The following PSG8 variants were observed in gnomAD, a reference collection of about 807,000 sequenced individuals.
PSG8 encodes pregnancy-specific beta-1-glycoprotein 8.
Under a neutral mutation model 42.5 loss-of-function variants are expected in PSG8, and 57 were observed. That is an observed-to-expected ratio of 1.34 (90% CI 1.08 to 1.67). PSG8 has a LOEUF of 1.67. PSG8 is among the 40% of genes most tolerant of loss of function. The pLI is 0.00. For missense variants in PSG8, 783 were observed against 518.6 expected (o/e 1.51, Z -4.95); for synonymous variants, 280 against 196.8 (o/e 1.42, Z -3.54).
chr19:42,755,220 C>T lies in PSG8; in HGVS notation c.756G>A (p.Arg252=), dbSNP rs1266662840. 3.7e-6 allele frequency: 6 copies of T among 1,612,010 alleles called. No homozygotes were observed. The highest frequency in any genetic ancestry group is 5.1e-6 in the Non-Finnish European group (6 of 1,179,780). The change falls in exon 4 of 5, where the codon AGG becomes AGA. Residue 252 remains arginine (R), a synonymous_variant. Coordinates refer to ENST00000306511, the MANE Select transcript of PSG8 (RefSeq NM_182707.3). The part of the protein sequence containing the change: ...PYITINNLKP[R]ENKDVLNFTC... ...TGAAGTTTAAGACATCCTTATTCTC[C>T]CTGGGTTTTAAGTTGTTGATGGTGA...
At chr19:42,764,823 C>A (rs539972051) in intron 1 of PSG8, among the ~76,000 whole-genome samples, 1 of 152,122 alleles carries the variant, frequency 6.6e-6, no homozygotes, top group Non-Finnish European at 1.5e-5. Context: ...GTGCCCAGAA[C>A]AGGCTGCAGA....
At chr19:42,765,388 A>C (rs549124098) in intron 1 of PSG8, 130 bp downstream of exon 1, 215 of 1,423,426 alleles carry the variant, frequency 1.5e-4, no homozygotes, top group Non-Finnish European at 1.4e-4. Flanking sequence ...TCCTGATCTC[A>C]TGATCCACCT....
Position 42,764,625 on chromosome 19 carries a change from T to C in PSG8, c.65-344A>G, listed in dbSNP as rs554620095. On this transcript the variant is annotated intron_variant, in intron 1 of 4. Transcript: ENST00000306511. ...CTGCTCACATCAGGGCATCCTTAGATTTCTTTCCTGACACCTCCTTCAGAT... is the reference window on the plus strand; with the variant it reads ...CTGCTCACATCAGGGCATCCTTAGACTTCTTTCCTGACACCTCCTTCAGAT... Among the ~76,000 whole-genome samples the C allele has an allele frequency of 3.9e-4, 59 of 152,062 alleles. 1 individual carries two copies. Among genetic ancestry groups the C allele is most frequent in the Middle Eastern group, 3.2e-3 (1 of 314 alleles).
At chr19:42,758,801 A>T (rs1383164003) in intron 2 of PSG8, 1 of 165,618 alleles carries the variant, frequency 6.0e-6, no homozygotes, top group Non-Finnish European at 1.3e-5. Context: ...GAAATAACAC[A>T]GGGGAGAACA....
chr19:42,755,057 G>T lies in PSG8; in HGVS notation c.919C>A (p.Pro307Thr), dbSNP rs1244091627. ...TGGTCCCTTATTTCACATTGATAGG[G>T]TCCTGTTTCATTTCTCGTGACACTG... is the stretch of plus-strand genomic sequence containing the variant. Reference protein sequence around the residue: ...LPSVTRNETGPYQCEIRDQYG... With the variant: ...LPSVTRNETGTYQCEIRDQYG... The change falls in exon 4 of 5, where the codon CCC becomes ACC. Residue 307 changes from proline (P) to threonine (T), a missense_variant. Pro to Thr is a conservative substitution (Grantham distance 38, BLOSUM62 -1). Transcript: ENST00000306511. 3.1e-6 allele frequency: 5 copies of T among 1,612,882 alleles called. No homozygotes were observed. The highest frequency in any genetic ancestry group is 4.2e-6 in the Non-Finnish European group (5 of 1,179,794).
chr19:42,755,982 G>A (rs1969915460), intron 3 of PSG8: 1 of 153,684 alleles, frequency 6.5e-6, no homozygotes, highest in Non-Finnish European at 1.4e-5. Context: ...CTTTGGAGCA[G>A]AACTATGTTG....
In PSG8 at chr19:42,764,100, A is replaced by C. The variant is rs7255419; in HGVS notation, c.246T>G (p.Tyr82Ter). The change falls in exon 2 of 5, where the codon TAT becomes TAG. Residue 82 changes from tyrosine (Y) to a stop codon, truncating the protein, a stop_gained. Transcript: ENST00000306511. LOFTEE classifies it high-confidence loss of function. ...ATATAATTATTTGACCGTCTACTACATATGATGTAATGTAATGGTAGAGGT... is the reference window on the plus strand; with the variant it reads ...ATATAATTATTTGACCGTCTACTACCTATGATGTAATGTAATGGTAGAGGT... Reference protein sequence around the residue: ...IRDLYHYITSYVVDGQIIIYG... With the variant: ...IRDLYHYITS 5.6e-6 allele frequency: 9 copies of C among 1,613,752 alleles called. No homozygotes were observed. In the East Asian group the frequency reaches 1.8e-4, roughly 32 times the overall value.
downstream of PSG8, chr19:42,753,195 G>A (rs968105500): frequency 3.7e-5 from 28 of 759,038 alleles, no homozygotes; most frequent in South Asian, 1.1e-4. Context: ...TTATGGTGTC[G>A]AACATTTTAG....
At position 42,758,096 on chromosome 19, in the gene PSG8, C is replaced by G; in HGVS notation, c.615G>C (p.Leu205Phe). 1.2e-6 allele frequency: 2 copies of G among 1,613,976 alleles called. No individual in the cohort carries two copies. The highest frequency in any genetic ancestry group is 1.7e-6 in the Non-Finnish European group (2 of 1,179,956). Residue 205 changes from leucine (L) to phenylalanine (F), a missense_variant, in exon 3 of 5, where the codon TTG (leucine) becomes TTC (phenylalanine). Physicochemically the swap from Leu to Phe is conservative, Grantham distance 22. Coordinates refer to ENST00000306511, the MANE Select transcript of PSG8 (RefSeq NM_182707.3). ...GTCCTGCAGTGTACTTTGTGACACC[C>G]AATAGAAAGAGGGTCCTGTTGGTTT... The part of the protein sequence containing the change: ...LSETNRTLFL[L>F]GVTKYTAGPY...
At chr19:42,765,385 C>A in intron 1 of PSG8, 133 bp downstream of exon 1, 1 of 1,400,976 alleles carries the variant, frequency 7.1e-7, no homozygotes, top group South Asian at 1.2e-5. Flanking sequence ...AACTCCTGAT[C>A]TCATGATCCA....
chr19:42,764,870 C>T lies in PSG8; in HGVS notation c.65-589G>A, dbSNP rs371845563. On this transcript the variant is annotated intron_variant, in intron 1 of 4. Transcript: ENST00000306511. ...GTGAGAGTTCTCAGGGCCCTCCACG[C>T]CCTTGGTGTTTTTTTTTCCCCCCAA... 5.3e-5 allele frequency among the ~76,000 whole-genome samples: 8 copies of T among 152,140 alleles called. No individual in the cohort carries two copies. The East Asian group carries it at 1.4e-3, about 26-fold the overall frequency.
chr19:42,761,810 C>T (rs1267853262), intron 2 of PSG8, among the ~76,000 whole-genome samples: 4 of 136,902 alleles, frequency 2.9e-5, no homozygotes, highest in Non-Finnish European at 4.7e-5. Flanking sequence ...TAGAAACCAA[C>T]ATTTCAATAA....
downstream of PSG8, chr19:42,753,457 A>T (rs867074278): frequency 1.6e-5 from 12 of 762,636 alleles, no homozygotes; most frequent in African/African-American, 1.4e-4. Flanking sequence ...TTTATTTTCC[A>T]CATAATTTTT....
intron 4 of PSG8, 169 bp downstream of exon 4, chr19:42,754,819 T>A: frequency 6.8e-7 from 1 of 1,474,206 alleles, no homozygotes; most frequent in Non-Finnish European, 9.1e-7. Context: ...ATACTCTTGG[T>A]TAAGGCTGTG....
rs759137475 is a variant in PSG8 at position 42,755,156 on chromosome 19, AC to A, written c.819del (p.Trp273CysfsTer3). 6.2e-7 allele frequency: 1 copy of A among 1,611,764 alleles called. No individual in the cohort carries two copies. Among genetic ancestry groups the A allele is most frequent in the African/African-American group, 1.3e-5 (1 of 74,846 alleles). ...EPKSENYTYI[W>X]WLNGQSLPVS... is the part of the protein sequence containing the mutation. Reference sequence around the variant, plus strand: ...ACCGGGAGGCTCTGACCATTTAGCCACCAAATGTAGGTGTAGTTCTCACTCT... The same window carrying A: ...ACCGGGAGGCTCTGACCATTTAGCCACAAATGTAGGTGTAGTTCTCACTCT... On this transcript the variant is annotated frameshift_variant, in exon 4 of 5. Transcript: ENST00000306511. LOFTEE classifies it high-confidence loss of function.
intron 2 of PSG8, among the ~76,000 whole-genome samples, chr19:42,762,320 A>G (rs1199971353): frequency 6.6e-6 from 1 of 151,996 alleles, no homozygotes; most frequent in Admixed American, 6.6e-5. Context: ...CCCCAGCTCC[A>G]CAGTCCAGGA....
downstream of PSG8, chr19:42,753,500 T>C: frequency 1.5e-6 from 1 of 671,356 alleles, no homozygotes; most frequent in Non-Finnish European, 2.7e-6. Flanking sequence ...TTACCAATGA[T>C]AATTTCAGTA....
Position 42,755,049 on chromosome 19 carries a change from T to C in PSG8, c.927A>G (p.Gln309=), listed in dbSNP as rs1350030021. ...CACCATATTGGTCCCTTATTTCACA[T>C]TGATAGGGTCCTGTTTCATTTCTCG... ...SVTRNETGPY[Q]CEIRDQYGGI... The change falls in exon 4 of 5, where the codon CAA becomes CAG. Residue 309 remains glutamine, a synonymous_variant. Coordinates refer to ENST00000306511, the MANE Select transcript of PSG8 (RefSeq NM_182707.3). 16 of 1,612,764 alleles carry C rather than the reference T, an allele frequency of 9.9e-6. No individual in the cohort carries two copies. The highest frequency in any genetic ancestry group is 1.3e-5 in the African/African-American group (1 of 74,824).
At position 42,754,752 on chromosome 19, in the gene PSG8, C is replaced by T. The variant is rs1969873459; in HGVS notation, c.989-165G>A. 4.5e-6 allele frequency: 6 copies of T among 1,338,256 alleles called. 1 individual carries two copies. Among genetic ancestry groups the T allele is most frequent in the Non-Finnish European group, 6.0e-6 (6 of 997,144 alleles). 82.9% of individuals were successfully genotyped at this position (1,338,256 alleles called of 1,614,324 possible). A position where few individuals can be genotyped will look rare whatever the true frequency, so the allele number is the denominator to read the frequency against. On this transcript the variant is annotated intron_variant, in intron 4 of 4. Coordinates refer to ENST00000306511, the MANE Select transcript of PSG8 (RefSeq NM_182707.3). The stretch of plus-strand genomic sequence containing the variant: ...CGAATCCTCAGGTATTCACCTGTTT[C>T]TCCCATCACAAGCTGTGGGCCCCAA...
Sources: allele counts gnomAD v4.1 joint callset (sites outside exome capture counted in the v4.1 genomes callset), GRCh38; gene constraint gnomAD v4.1.1; transcripts MANE v1.5; gene names NCBI Gene and HGNC (gene_info 2026-07-23, HGNC 2026-07-21).